PDSS2: variants seen among roughly 807,000 people sequenced by gnomAD.
PDSS2 encodes the protein all trans-polyprenyl-diphosphate synthase PDSS2.
Under a neutral mutation model 44.5 loss-of-function variants are expected in PDSS2, and 31 were observed. That is an observed-to-expected ratio of 0.70 (90% CI 0.52 to 0.94). The LOEUF is 0.94. Among genes scored for constraint, PDSS2 ranks in the 40% least tolerant of loss-of-function variants. PDSS2 has a pLI of 0.00. For synonymous variants in PDSS2, 157 were observed against 180.3 expected (o/e 0.87, Z 1.03); for missense variants, 452 against 482.2 (o/e 0.94, Z 0.59).
At chr6:107,295,058 A>G (rs1158530015) in intron 2 of PDSS2, among the ~76,000 whole-genome samples, 2 of 152,196 alleles carry the variant, frequency 1.3e-5, no homozygotes, top group African/African-American at 2.4e-5. Flanking sequence ...CAGCCTCCTG[A>G]GTAGCTGGGA....
intron 1 of PDSS2, among the ~76,000 whole-genome samples, chr6:107,374,806 G>T (rs987506331): frequency 6.6e-6 from 1 of 152,098 alleles, no homozygotes; most frequent in African/African-American, 2.4e-5. Context: ...AGGTTCCTGA[G>T]GTGCTAACCT....
At chr6:107,328,105 G>T (rs963203618) in intron 2 of PDSS2, among the ~76,000 whole-genome samples, 2 of 152,224 alleles carry the variant, frequency 1.3e-5, no homozygotes, top group Non-Finnish European at 2.9e-5. Flanking sequence ...CTCTGAAGGA[G>T]TGGGAAATCT....
At chr6:107,323,754 A>C (rs999100613) in intron 2 of PDSS2, among the ~76,000 whole-genome samples, 4 of 152,242 alleles carry the variant, frequency 2.6e-5, no homozygotes, top group Non-Finnish European at 5.9e-5. Context: ...AAAATGTAGA[A>C]TTAGTCACTG....
chr6:107,230,964 A>G (rs752381065), intron 4 of PDSS2, among the ~76,000 whole-genome samples: 2 of 152,078 alleles, frequency 1.3e-5, no homozygotes, highest in African/African-American at 2.4e-5. Flanking sequence ...ATCCTAGCAC[A>G]TTGGGAGGCC....
Position 107,448,200 on chromosome 6 carries a change from T to C in PDSS2, c.296+10790A>G, listed in dbSNP as rs1335534327. 3.3e-5 allele frequency among the ~76,000 whole-genome samples: 5 copies of C among 152,220 alleles called. No individual in the cohort carries two copies. In the East Asian group the frequency reaches 9.6e-4, roughly 29 times the overall value. The stretch of plus-strand genomic sequence containing the variant: ...CACATCCTGGAGACATTTTCCCCAT[T>C]GTCTTGGCAATTAGCATTTGGCTCC... On this transcript the variant is annotated intron_variant, in intron 1 of 7. Coordinates refer to ENST00000369037, the MANE Select transcript of PDSS2 (RefSeq NM_020381.4).
chr6:107,373,079 A>G (rs1779176075), intron 1 of PDSS2, among the ~76,000 whole-genome samples: 1 of 147,288 alleles, frequency 6.8e-6, no homozygotes, highest in African/African-American at 2.5e-5. Context: ...CACCTCCTGG[A>G]TTCAAGTGAT....
chr6:107,296,131 T>C (rs1230941210), intron 2 of PDSS2, among the ~76,000 whole-genome samples: 1 of 152,172 alleles, frequency 6.6e-6, no homozygotes, highest in African/African-American at 2.4e-5. Context: ...AAGGATGATA[T>C]GGATATGACA....
intron 1 of PDSS2, among the ~76,000 whole-genome samples, chr6:107,369,509 C>A (rs750593645): frequency 6.6e-6 from 1 of 152,152 alleles, no homozygotes; most frequent in Non-Finnish European, 1.5e-5. Flanking sequence ...TTAAATCAAT[C>A]ATAGTCCTTA....
intron 2 of PDSS2, among the ~76,000 whole-genome samples, chr6:107,278,798 A>C (rs993653923): frequency 1.1e-4 from 16 of 152,322 alleles, no homozygotes; most frequent in Admixed American, 5.2e-4. Context: ...CATTTAAAAA[A>C]ACCTTTCATT....
chr6:107,301,694 T>C (rs931529749), intron 2 of PDSS2, among the ~76,000 whole-genome samples: 2 of 152,110 alleles, frequency 1.3e-5, no homozygotes, highest in Non-Finnish European at 1.5e-5. Flanking sequence ...CTGGGTTTGG[T>C]GGCTCACACC....
rs558931628 is a variant in PDSS2, at chr6:107,414,911, A to G, written c.296+44079T>C. On this transcript the variant is annotated intron_variant, in intron 1 of 7. Coordinates refer to ENST00000369037, the MANE Select transcript of PDSS2 (RefSeq NM_020381.4). ...AGGAGAATGTCCCATTGGAAATTCC[A>G]GAAACCTGGGACTGTGTGAAGGTAG... is the stretch of plus-strand genomic sequence containing the variant. Among the ~76,000 whole-genome samples, 211 of 152,360 alleles carry G rather than the reference A, an allele frequency of 1.4e-3. 3 individuals are homozygous for G. The highest frequency in any genetic ancestry group is 4.8e-3 in the African/African-American group (199 of 41,600).
intron 2 of PDSS2, among the ~76,000 whole-genome samples, chr6:107,316,970 T>C (rs1326651445): frequency 6.6e-6 from 1 of 152,146 alleles, no homozygotes; most frequent in Non-Finnish European, 1.5e-5. Flanking sequence ...TCAATCATAA[T>C]ACAAAAACAA....
intron 3 of PDSS2, among the ~76,000 whole-genome samples, chr6:107,272,738 T>C (rs1404873082): frequency 1.3e-5 from 2 of 151,860 alleles, no homozygotes; most frequent in African/African-American, 4.8e-5. Flanking sequence ...ATCCCAGCAC[T>C]TTGGGAGGTT....
chr6:107,191,333 G>T (rs1238558266), intron 7 of PDSS2, among the ~76,000 whole-genome samples: 2 of 152,186 alleles, frequency 1.3e-5, no homozygotes, highest in African/African-American at 4.8e-5. Context: ...CAGATGAAGA[G>T]ACTATGAGCA....
chr6:107,401,032 C>T (rs1218510898), intron 1 of PDSS2, among the ~76,000 whole-genome samples: 1 of 152,202 alleles, frequency 6.6e-6, no homozygotes, highest in Non-Finnish European at 1.5e-5. Context: ...CCAAGTACTT[C>T]TCCTGGTTAA....
At chr6:107,160,015 A>G (rs1466375934) in intron 7 of PDSS2, among the ~76,000 whole-genome samples, 1 of 152,054 alleles carries the variant, frequency 6.6e-6, no homozygotes, top group Non-Finnish European at 1.5e-5. Flanking sequence ...CAGGAGTTCG[A>G]GATCAGACTG....
chr6:107,236,893 G>A (rs1361438289), intron 4 of PDSS2, among the ~76,000 whole-genome samples: 1 of 151,766 alleles, frequency 6.6e-6, no homozygotes, highest in Non-Finnish European at 1.5e-5. Context: ...GGCAGCACAG[G>A]GCTTTGCAGG....
At chr6:107,188,653 G>A (rs746468043) in intron 7 of PDSS2, among the ~76,000 whole-genome samples, 2 of 152,176 alleles carry the variant, frequency 1.3e-5, no homozygotes, top group Non-Finnish European at 2.9e-5. Context: ...AGGTGTTTGG[G>A]TCAGGGGGTC....
At chr6:107,392,604 C>T (rs1305468055) in intron 1 of PDSS2, among the ~76,000 whole-genome samples, 4 of 152,160 alleles carry the variant, frequency 2.6e-5, no homozygotes, top group African/African-American at 9.7e-5. Context: ...ACTTTTAATG[C>T]ATAAACCATG....
Sources: allele counts gnomAD v4.1 joint callset (sites outside exome capture counted in the v4.1 genomes callset), GRCh38; gene constraint gnomAD v4.1.1; transcripts MANE v1.5; gene names NCBI Gene and HGNC (gene_info 2026-07-23, HGNC 2026-07-21).